The following ABCB9 variants were observed in gnomAD, a reference collection of about 807,000 sequenced individuals.
The protein encoded by ABCB9 is ABC-type oligopeptide transporter ABCB9.
A neutral mutation model predicts 62.0 loss-of-function variants in ABCB9; 36 were observed. That is an observed-to-expected ratio of 0.58 (90% confidence interval 0.45 to 0.77). ABCB9 has a LOEUF of 0.77. Among genes scored for constraint, ABCB9 ranks in the 30% least tolerant of loss-of-function variants. The probability of loss-of-function intolerance (pLI) is 0.00; values close to 1 mark genes in which losing one functional copy is unlikely to be tolerated. For synonymous variants in ABCB9, 435 were observed against 461.4 expected, an observed-to-expected ratio of 0.94 and a Z score of 0.73; for missense variants, 943 against 1,054.7, an observed-to-expected ratio of 0.89 and a Z score of 1.47.
chr12:122,942,310 G>A (rs902071111), intron 7 of ABCB9, among the ~76,000 whole-genome samples: 4 of 151,956 alleles, frequency 2.6e-5, no homozygotes, highest in African/African-American at 9.7e-5. Flanking sequence ...AGAGCTGGCC[G>A]GGCACAGTGG....
Position 122,930,189 on chromosome 12 carries a change from G to A in ABCB9, c.2041-18C>T, listed in dbSNP as rs1300551362. ...TGCTGGATCTGCGGGGACAGTGGGG[G>A]CCTGGCTTGCATGGCACGGACGCCC... On this transcript the variant is annotated intron_variant, in intron 11 of 11. Coordinates refer to ENST00000280560, the MANE Select transcript of ABCB9 (RefSeq NM_019625.4). This position sits in a 1 kb window ranked among gnomAD's most constrained non-coding sequence, Gnocchi z 4.9. The A allele has an allele frequency of 1.0e-5, 16 of 1,532,454 alleles. No individual in the cohort carries two copies. Among genetic ancestry groups the A allele is most frequent in the Non-Finnish European group, 1.4e-5 (16 of 1,134,506 alleles). 94.9% of individuals were successfully genotyped at this position (1,532,454 alleles called of 1,614,324 possible). A position where few individuals can be genotyped will look rare whatever the true frequency, so the allele number is the denominator to read the frequency against.
Position 122,941,012 on chromosome 12 carries a change from C to T in ABCB9, c.1381-17G>A, listed in dbSNP as rs779768799. 8.3e-6 allele frequency: 13 copies of T among 1,572,324 alleles called. No individual in the cohort carries two copies. In the South Asian group the frequency reaches 1.0e-4, roughly 12 times the overall value. On this transcript the variant is annotated splice_polypyrimidine_tract_variant and intron_variant, in intron 7 of 11. Coordinates refer to ENST00000280560, the MANE Select transcript of ABCB9 (RefSeq NM_019625.4). ...GCCCACGGACTGGGGAGAGGAGACACGCGTTCCTGTCCCACCGATACCCGA... is the reference window on the plus strand; with the variant it reads ...GCCCACGGACTGGGGAGAGGAGACATGCGTTCCTGTCCCACCGATACCCGA...
At position 122,929,114 on chromosome 12, in the gene ABCB9, C is replaced by T; in HGVS notation, c.*797G>A. On this transcript the variant is annotated 3_prime_UTR_variant, in exon 12 of 12. Coordinates refer to ENST00000280560, the MANE Select transcript of ABCB9 (RefSeq NM_019625.4). This position sits in a 1 kb window ranked among gnomAD's most constrained non-coding sequence, Gnocchi z 6.0. Reference sequence around the variant, plus strand: ...ACCAAAGACAGAAGAGAATGCATCTCATGAACATCCACGTGGCCTCCAGAC... The same window carrying T: ...ACCAAAGACAGAAGAGAATGCATCTTATGAACATCCACGTGGCCTCCAGAC... 1.0e-6 allele frequency: 1 copy of T among 983,150 alleles called. No homozygotes were observed. Among genetic ancestry groups the T allele is most frequent in the South Asian group, 4.7e-5 (1 of 21,094 alleles). 60.9% of individuals were successfully genotyped at this position (983,150 alleles called of 1,614,324 possible).
At position 122,944,460 on chromosome 12, in the gene ABCB9, T is replaced by A. The variant is rs910601936; in HGVS notation, c.1311A>T (p.Ser437=). The change falls in exon 7 of 12, where the codon TCA becomes TCT. Residue 437 remains serine (S), a synonymous_variant. Coordinates refer to ENST00000280560, the MANE Select transcript of ABCB9 (RefSeq NM_019625.4). The surrounding 1 kb of genome is among the most constrained non-coding windows in gnomAD (Gnocchi z 4.9). The stretch of plus-strand genomic sequence containing the variant: ...TGAGGTTGCCGCTGGTCATCTGGCC[T>A]GAGATGACAAGGTGGCCCCCGTAGT... ...ILYYGGHLVI[S]GQMTSGNLIA... is the part of the protein sequence containing the mutation. 3 of 1,613,854 alleles carry A rather than the reference T, an allele frequency of 1.9e-6. No individual in the cohort carries two copies. Among genetic ancestry groups the A allele is most frequent in the Non-Finnish European group, 2.5e-6 (3 of 1,179,916 alleles).
At chr12:122,934,453 G>A (rs1177222750) in intron 10 of ABCB9, among the ~76,000 whole-genome samples, 1 of 151,644 alleles carries the variant, frequency 6.6e-6, no homozygotes, top group Non-Finnish European at 1.5e-5. Context: ...CCAGCACTTT[G>A]GGAGGCAGGA....
In ABCB9 at chr12:122,964,910, G is replaced by C. The variant is rs1437530905; in HGVS notation, c.-88+1377C>G. ...TTTTCTTCCCAGGGTAGGAGACATTGGTTGGGGTATCTCTAGGCATCAGCT... is the reference window on the plus strand; with the variant it reads ...TTTTCTTCCCAGGGTAGGAGACATTCGTTGGGGTATCTCTAGGCATCAGCT... On this transcript the variant is annotated intron_variant, in intron 1 of 11. Transcript: ENST00000280560. This position sits in a 1 kb window ranked among gnomAD's most constrained non-coding sequence, Gnocchi z 4.7. Among the ~76,000 whole-genome samples, 1 of 152,232 alleles carries C rather than the reference G, an allele frequency of 6.6e-6. No individual in the cohort carries two copies. The highest frequency in any genetic ancestry group is 2.4e-5 in the African/African-American group (1 of 41,456).
chr12:122,925,297 C>A (rs1043943274), downstream of ABCB9, among the ~76,000 whole-genome samples: 7 of 152,030 alleles, frequency 4.6e-5, no homozygotes, highest in African/African-American at 1.7e-4. Flanking sequence ...AAATTGCAAC[C>A]CTCATGGATT....
In ABCB9 at chr12:122,940,946, T is replaced by G. The variant is rs1194836798; in HGVS notation, c.1430A>C (p.Glu477Ala). 8.7e-6 allele frequency: 14 copies of G among 1,612,680 alleles called. No individual in the cohort carries two copies. Among genetic ancestry groups the G allele is most frequent in the African/African-American group, 2.7e-5 (2 of 75,004 alleles). Residue 477 changes from glutamate to alanine, a missense_variant, in exon 8 of 12, where the codon GAG becomes GCG. Transcript: ENST00000280560. The surrounding 1 kb of genome is among the most constrained non-coding windows in gnomAD (Gnocchi z 4.8). ...CCGGTCGATGAACTCGAACACCTTCTCAGCAGCCCCCACTCCCTGCATCAG... is the reference window on the plus strand; with the variant it reads ...CCGGTCGATGAACTCGAACACCTTCGCAGCAGCCCCCACTCCCTGCATCAG... ...SGLMQGVGAA[E>A]KVFEFIDRQP...
upstream of ABCB9, among the ~76,000 whole-genome samples, chr12:122,968,892 A>C (rs886332603): frequency 7.9e-5 from 12 of 152,056 alleles, no homozygotes; most frequent in African/African-American, 2.9e-4. Flanking sequence ...TGGGATTACA[A>C]GCATCAGCCA....
chr12:122,935,222 C>T (rs1486043567), intron 10 of ABCB9, 50 bp downstream of exon 10: 1 of 1,543,116 alleles, frequency 6.5e-7, no homozygotes, highest in Non-Finnish European at 8.7e-7. Flanking sequence ...GGTTATGTCC[C>T]TGAGGGTGAC....
At chr12:122,925,644 C>G (rs1029751513), downstream of ABCB9, among the ~76,000 whole-genome samples, 1 of 151,908 alleles carries the variant, frequency 6.6e-6, no homozygotes, top group Admixed American at 6.6e-5. Flanking sequence ...GCTACTCGGG[C>G]GGCTGAGGCA....
Position 122,940,660 on chromosome 12 carries a change from C to G in ABCB9, c.1569+147G>C. On this transcript the variant is annotated intron_variant, in intron 8 of 11. Coordinates refer to ENST00000280560, the MANE Select transcript of ABCB9 (RefSeq NM_019625.4). This position sits in a 1 kb window ranked among gnomAD's most constrained non-coding sequence, Gnocchi z 4.8. ...AATCATTCTGTTAAGTATCTGTCTT[C>G]CCCAACTGGAGCCCAAAACTCCTGG... 1.0e-6 allele frequency: 1 copy of G among 974,316 alleles called. No homozygotes were observed. Among genetic ancestry groups the G allele is most frequent in the Non-Finnish European group, 1.5e-6 (1 of 680,474 alleles). 60.4% of individuals were successfully genotyped at this position (974,316 alleles called of 1,614,324 possible). A position where few individuals can be genotyped will look rare whatever the true frequency, so the allele number is the denominator to read the frequency against.
chr12:122,959,940 A>G lies in ABCB9; in HGVS notation c.296T>C (p.Val99Ala), dbSNP rs1354399138. The G allele has an allele frequency of 1.2e-6, 2 of 1,613,306 alleles. No individual in the cohort carries two copies. The highest frequency in any genetic ancestry group is 1.7e-6 in the Non-Finnish European group (2 of 1,179,952). ...CACCTCTGAGAAGAGCAGCAGCTTC[A>G]CCATGGCATAGATGCCCACGAAGAG... The part of the protein sequence containing the change: ...VCLFVGIYAM[V>A]KLLLFSEVRR... The change falls in exon 2 of 12, where the codon GTG becomes GCG. Residue 99 changes from valine to alanine, a missense_variant. By Grantham distance (64) the Val-to-Ala change is moderately conservative (BLOSUM62 0). Transcript: ENST00000280560. The surrounding 1 kb of genome is among the most constrained non-coding windows in gnomAD (Gnocchi z 5.4).
rs1411923565 is a variant in ABCB9 at position 122,932,124 on chromosome 12, G to A, written c.2040+68C>T. Reference sequence around the variant, plus strand: ...CGTCTCTTCTCAGCATCCATCTGCTGGGCGATGGGGGCTCTGGCCACCTGG... The same window carrying A: ...CGTCTCTTCTCAGCATCCATCTGCTAGGCGATGGGGGCTCTGGCCACCTGG... On this transcript the variant is annotated intron_variant, in intron 11 of 11. Coordinates refer to ENST00000280560, the MANE Select transcript of ABCB9 (RefSeq NM_019625.4). The surrounding 1 kb of genome is among the most constrained non-coding windows in gnomAD (Gnocchi z 4.7). The A allele has an allele frequency of 1.9e-6, 3 of 1,548,422 alleles. No individual in the cohort carries two copies. Among genetic ancestry groups the A allele is most frequent in the African/African-American group, 2.7e-5 (2 of 73,102 alleles).
Position 122,934,950 on chromosome 12 carries a change from C to T in ABCB9, c.1903+322G>A, listed in dbSNP as rs907220359. On this transcript the variant is annotated intron_variant, in intron 10 of 11. Coordinates refer to ENST00000280560, the MANE Select transcript of ABCB9 (RefSeq NM_019625.4). ...CCTCCTCTGCCTCCACCTCCTCCTC[C>T]GCCTCCACCTCCTCCCCCTTCTTCT... Among the ~76,000 whole-genome samples, 6 of 152,042 alleles carry T rather than the reference C, an allele frequency of 3.9e-5. No homozygotes were observed. In the East Asian group the frequency reaches 7.7e-4, roughly 20 times the overall value.
At chr12:122,954,993 C>T (rs559620937) in intron 2 of ABCB9, among the ~76,000 whole-genome samples, 14 of 152,166 alleles carry the variant, frequency 9.2e-5, no homozygotes, top group Non-Finnish European at 1.9e-4. Context: ...GATGGGGTCT[C>T]GCTATGTTGC....
chr12:122,958,062 T>C (rs974818497), intron 2 of ABCB9, among the ~76,000 whole-genome samples: 1 of 143,984 alleles, frequency 6.9e-6, no homozygotes, highest in Non-Finnish European at 1.5e-5. Flanking sequence ...CCCAGCTGCT[T>C]GGGTGGCTGA....
intron 11 of ABCB9, chr12:122,931,481 T>A (rs1267200365): frequency 7.0e-6 from 1 of 143,480 alleles, no homozygotes; most frequent in African/African-American, 2.6e-5. Flanking sequence ...TGCACCACCA[T>A]GCCCAGCTAA....
intron 1 of ABCB9, among the ~76,000 whole-genome samples, chr12:122,962,325 C>T (rs562011890): frequency 6.6e-6 from 1 of 152,144 alleles, no homozygotes; most frequent in South Asian, 2.1e-4. Flanking sequence ...TCCCGTGGGC[C>T]TTTTGTTGTC....
Sources: allele counts gnomAD v4.1 joint callset (sites outside exome capture counted in the v4.1 genomes callset), GRCh38; gene constraint gnomAD v4.1.1; non-coding constraint Gnocchi (gnomAD v3.1); transcripts MANE v1.5; gene names NCBI Gene and HGNC (gene_info 2026-07-23, HGNC 2026-07-21).